NCK2: variants seen among roughly 807,000 people sequenced by gnomAD.
The protein encoded by NCK2 is NCK adaptor protein 2.
NCK2 carries 16 observed loss-of-function variants against 33.9 expected under a neutral mutation model. The observed-to-expected ratio is 0.47, with a 90% CI of 0.32 to 0.72. NCK2 has a LOEUF of 0.72. NCK2 is among the 30% of genes least tolerant of loss of function. The pLI is 0.03. For missense variants in NCK2, 418 were observed against 537.3 expected, an observed-to-expected ratio of 0.78 and a Z score of 2.19; for synonymous variants, 273 against 239.9, an observed-to-expected ratio of 1.14 and a Z score of -1.27.
At chr2:105,756,618 G>C (rs543076504) in intron 1 of NCK2, among the ~76,000 whole-genome samples, 18 of 152,300 alleles carry the variant, frequency 1.2e-4, no homozygotes, top group Admixed American at 1.2e-3. Flanking sequence ...GAGTGGCCAT[G>C]GGGGAATGTC....
intron 1 of NCK2, among the ~76,000 whole-genome samples, chr2:105,807,956 T>C (rs1429726132): frequency 6.6e-6 from 1 of 151,128 alleles, no homozygotes; most frequent in Non-Finnish European, 1.5e-5. Flanking sequence ...CAGGCTGGAG[T>C]GCAGTGTGCG....
intron 2 of NCK2, among the ~76,000 whole-genome samples, chr2:105,835,407 GTGTA>G (rs1358062593): frequency 5.1e-5 from 1 of 19,690 alleles, no homozygotes; most frequent in Non-Finnish European, 1.4e-4. Context: ...ATATATATAC[GTGTA>G]TATATATATA....
chr2:105,854,483 C>T (rs1478980571), intron 2 of NCK2: 2 of 152,584 alleles, frequency 1.3e-5, no homozygotes, highest in African/African-American at 4.8e-5. Context: ...GGTGTGTTGT[C>T]CAAACTAAGA....
At chr2:105,745,680 C>G (rs182664013) in intron 1 of NCK2, 1 of 152,244 alleles carries the variant, frequency 6.6e-6, no homozygotes, top group Admixed American at 6.5e-5. Flanking sequence ...TTTATGTTCG[C>G]GCACAAAGCT....
At chr2:105,870,019 C>T (rs1178271674) in intron 3 of NCK2, among the ~76,000 whole-genome samples, 1 of 152,146 alleles carries the variant, frequency 6.6e-6, no homozygotes, top group African/African-American at 2.4e-5. Context: ...GAGCCCTGGA[C>T]ACAAGGACCC....
chr2:105,767,770 G>A (rs903262194), intron 1 of NCK2, among the ~76,000 whole-genome samples: 1 of 152,172 alleles, frequency 6.6e-6, no homozygotes, highest in Non-Finnish European at 1.5e-5. Flanking sequence ...TGAGGTTTCC[G>A]TGCCCGCACC....
Position 105,860,750 on chromosome 2 carries a change from G to A in NCK2, c.226+5461G>A, listed in dbSNP as rs552936334. Reference sequence around the variant, plus strand: ...TGGTCCATAGAGAGCCGTGGATGCCGGCGGCGCTGTAATGGAGATGGAGGA... The same window carrying A: ...TGGTCCATAGAGAGCCGTGGATGCCAGCGGCGCTGTAATGGAGATGGAGGA... On this transcript the variant is annotated intron_variant, in intron 3 of 4. Coordinates refer to ENST00000233154, the MANE Select transcript of NCK2 (RefSeq NM_003581.5). Among the ~76,000 whole-genome samples the A allele has an allele frequency of 1.7e-4, 26 of 151,818 alleles. 1 individual carries two copies. The South Asian group carries it at 4.0e-3, about 23-fold the overall frequency.
chr2:105,882,579 G>A (rs959743279), intron 4 of NCK2, among the ~76,000 whole-genome samples: 1 of 152,164 alleles, frequency 6.6e-6, no homozygotes, highest in African/African-American at 2.4e-5. Flanking sequence ...GCACTTACGA[G>A]ATAAATTGAA....
rs574939583 is a variant in NCK2, at chr2:105,758,413, G to GTTTTTTTT, written c.-201+13283_-201+13290dup. ...GTAGATGTTTGTTTTTGTTGTTTTT[G>GTTTTTTTT]TTTTTTTTTTTTTTTGAGACAGAGT... On this transcript the variant is annotated intron_variant, in intron 1 of 4. Transcript: ENST00000233154. Among the ~76,000 whole-genome samples the GTTTTTTTT allele has an allele frequency of 6.0e-5, 8 of 132,528 alleles. 1 individual carries two copies. Among genetic ancestry groups the GTTTTTTTT allele is most frequent in the Non-Finnish European group, 8.0e-5 (5 of 62,530 alleles). The allele number at this position is 132,528 out of a possible 152,430, so 86.9% of individuals were successfully genotyped here.
At chr2:105,872,431 G>A (rs1003241834) in intron 3 of NCK2, among the ~76,000 whole-genome samples, 2 of 152,264 alleles carry the variant, frequency 1.3e-5, no homozygotes, top group East Asian at 1.9e-4. Context: ...TCACCTGAGC[G>A]CCTCCGTGTC....
At chr2:105,813,917 C>T (rs865780201) in intron 1 of NCK2, among the ~76,000 whole-genome samples, 5 of 152,156 alleles carry the variant, frequency 3.3e-5, no homozygotes, top group East Asian at 1.9e-4. Context: ...GGGAGATGCA[C>T]GTAGTGCTAG....
chr2:105,873,026 G>A (rs564890003), intron 3 of NCK2, among the ~76,000 whole-genome samples: 1 of 152,270 alleles, frequency 6.6e-6, no homozygotes, highest in Non-Finnish European at 1.5e-5. Flanking sequence ...GCCCTCACCC[G>A]GCTGCCAGGA....
intron 4 of NCK2, 102 bp from the exon 5 acceptor site, chr2:105,892,880 A>T: frequency 1.2e-5 from 10 of 826,854 alleles, no homozygotes; most frequent in Non-Finnish European, 1.9e-5. Context: ...CCAGTGTTTG[A>T]GCAATGGGTG....
intron 1 of NCK2, among the ~76,000 whole-genome samples, chr2:105,806,324 G>T (rs139532408): frequency 0.021 from 3,064 of 146,958 alleles, 101 homozygotes; most frequent in African/African-American, 0.073. Context: ...TGCAAGCTCC[G>T]CCTCCCGGGT....
chr2:105,780,325 TACACACACACAC>T lies in NCK2; in HGVS notation c.-201+35215_-201+35226del, dbSNP rs57857814. On this transcript the variant is annotated intron_variant, in intron 1 of 4. Coordinates refer to ENST00000233154, the MANE Select transcript of NCK2 (RefSeq NM_003581.5). ...TTCCATAATATGGGAGAGAGATATA[TACACACACACAC>T]ACACACACACACACACACACACACA... 3.6e-3 allele frequency among the ~76,000 whole-genome samples: 526 copies of T among 147,472 alleles called. 6 individuals are homozygous for T. Among genetic ancestry groups the T allele is most frequent in the African/African-American group, 0.011 (460 of 40,404 alleles).
At chr2:105,830,033 T>A (rs2104518809) in intron 2 of NCK2, among the ~76,000 whole-genome samples, 1 of 152,324 alleles carries the variant, frequency 6.6e-6, no homozygotes, top group East Asian at 1.9e-4. Context: ...CTGTATATAG[T>A]GTGTAATGAT....
intron 2 of NCK2, among the ~76,000 whole-genome samples, chr2:105,839,205 CA>C (rs996355448): frequency 1.4e-4 from 22 of 152,294 alleles, no homozygotes; most frequent in African/African-American, 5.1e-4. Context: ...TGCCCAGGGT[CA>C]AGGTCTTTTA....
At chr2:105,841,562 T>A (rs1415278825) in intron 2 of NCK2, among the ~76,000 whole-genome samples, 1 of 152,210 alleles carries the variant, frequency 6.6e-6, no homozygotes, top group Non-Finnish European at 1.5e-5. Context: ...TGCATAGGCA[T>A]GACTGGTTAA....
chr2:105,869,733 ACT>A (rs1234320039), intron 3 of NCK2, among the ~76,000 whole-genome samples: 1 of 151,654 alleles, frequency 6.6e-6, no homozygotes, highest in Non-Finnish European at 1.5e-5. Context: ...CGTCTTGTAC[ACT>A]CTTTTGCATA....
Sources: gnomAD v4.1 joint callset for allele counts (sites outside exome capture counted in the v4.1 genomes callset) on GRCh38, gnomAD v4.1.1 for gene constraint, MANE v1.5 for transcripts, NCBI Gene and HGNC (gene_info 2026-07-23, HGNC 2026-07-21) for gene names.